BTRC: variants seen among roughly 807,000 people sequenced by gnomAD.
The protein encoded by BTRC is beta-transducin repeat containing E3 ubiquitin protein ligase, also known as F-box/WD repeat-containing protein 1A.
BTRC carries 42 observed loss-of-function variants against 85.5 expected under a neutral mutation model. The observed-to-expected ratio is 0.49, with a 90% CI of 0.38 to 0.64. BTRC has a LOEUF of 0.64. Among genes scored for constraint, BTRC ranks in the 30% least tolerant of loss-of-function variants. The pLI is 0.00. For missense variants in BTRC, 594 were observed against 743.5 expected, an observed-to-expected ratio of 0.80 and a Z score of 2.34; for synonymous variants, 255 against 263.3, an observed-to-expected ratio of 0.97 and a Z score of 0.30.
intron 1 of BTRC, among the ~76,000 whole-genome samples, chr10:101,417,178 A>G (rs1275525141): frequency 6.6e-6 from 1 of 152,206 alleles, no homozygotes; most frequent in Non-Finnish European, 1.5e-5. Context: ...TCTAATCCAC[A>G]GATCCCATTC....
At chr10:101,471,288 C>T (rs150799375) in intron 3 of BTRC, among the ~76,000 whole-genome samples, 57 of 152,122 alleles carry the variant, frequency 3.7e-4, no homozygotes, top group African/African-American at 1.3e-3. Flanking sequence ...TTTGGGAGGC[C>T]GAAGTGGGAG....
chr10:101,483,580 GA>G (rs1161948741), intron 4 of BTRC, among the ~76,000 whole-genome samples: 2 of 152,074 alleles, frequency 1.3e-5, no homozygotes, highest in Non-Finnish European at 1.5e-5. Context: ...GCGACAGAGT[GA>G]GACTCAGTCT....
chr10:101,419,745 G>T (rs1163123341), intron 1 of BTRC, among the ~76,000 whole-genome samples: 2 of 152,150 alleles, frequency 1.3e-5, no homozygotes, highest in African/African-American at 4.8e-5. Flanking sequence ...GTTAGAGTTT[G>T]CCTGCTACCG....
intron 1 of BTRC, among the ~76,000 whole-genome samples, chr10:101,409,291 A>G (rs1033513857): frequency 1.4e-4 from 21 of 152,128 alleles, no homozygotes; most frequent in South Asian, 6.2e-4. Flanking sequence ...GAATTTATCT[A>G]TTCTGGACAT....
chr10:101,377,326 T>G (rs922706924), intron 1 of BTRC, among the ~76,000 whole-genome samples: 1 of 152,258 alleles, frequency 6.6e-6, no homozygotes, highest in Non-Finnish European at 1.5e-5. Flanking sequence ...TTTCTGGTTT[T>G]GGTGATTATA....
At chr10:101,373,294 G>A (rs1419678712) in intron 1 of BTRC, among the ~76,000 whole-genome samples, 1 of 152,160 alleles carries the variant, frequency 6.6e-6, no homozygotes, top group Non-Finnish European at 1.5e-5. Flanking sequence ...GATTAGACTA[G>A]GGAGGGGTAC....
intron 13 of BTRC, among the ~76,000 whole-genome samples, chr10:101,546,016 C>T (rs541711430): frequency 6.6e-6 from 1 of 152,340 alleles, no homozygotes; most frequent in South Asian, 2.1e-4. Context: ...GATGCATCCA[C>T]TGTTATAGTT....
At chr10:101,540,246 ATAATTTTCAGTT>A (rs1213669564) in intron 13 of BTRC, among the ~76,000 whole-genome samples, 3 of 152,154 alleles carry the variant, frequency 2.0e-5, no homozygotes, top group Non-Finnish European at 4.4e-5. Context: ...TCTAAGTTTT[ATAATTTTCAGTT>A]TGTATTTTGG....
At chr10:101,416,452 C>G (rs1943948037) in intron 1 of BTRC, among the ~76,000 whole-genome samples, 1 of 152,188 alleles carries the variant, frequency 6.6e-6, no homozygotes, top group South Asian at 2.1e-4. Context: ...TTTTCACAGA[C>G]ATATCCCTTT....
chr10:101,388,457 G>A (rs988420348), intron 1 of BTRC, among the ~76,000 whole-genome samples: 5 of 151,942 alleles, frequency 3.3e-5, no homozygotes, highest in Non-Finnish European at 5.9e-5. Flanking sequence ...CTCCGAAAGT[G>A]CTGGGATTAC....
chr10:101,481,134 A>T (rs573734305), intron 4 of BTRC, among the ~76,000 whole-genome samples: 1 of 151,968 alleles, frequency 6.6e-6, no homozygotes, highest in East Asian at 1.9e-4. Flanking sequence ...TGTAGAGATG[A>T]GGTGTCGCTG....
chr10:101,468,051 G>C (rs189789569), intron 3 of BTRC, among the ~76,000 whole-genome samples: 2 of 152,222 alleles, frequency 1.3e-5, no homozygotes, highest in Admixed American at 6.5e-5. Context: ...AACACGGTTT[G>C]GCAATTTGTG....
intron 2 of BTRC, chr10:101,453,367 T>C (rs747112756): frequency 6.6e-6 from 1 of 152,226 alleles, no homozygotes; most frequent in Non-Finnish European, 1.5e-5. Flanking sequence ...GCTAAAATGA[T>C]AGAATTATCC....
chr10:101,456,916 A>C (rs910673252), intron 2 of BTRC, among the ~76,000 whole-genome samples: 2 of 152,206 alleles, frequency 1.3e-5, no homozygotes, highest in Non-Finnish European at 2.9e-5. Context: ...AGTTGTGTAG[A>C]ATCTTTTACA....
intron 1 of BTRC, among the ~76,000 whole-genome samples, chr10:101,409,646 A>C (rs1943723113): frequency 6.6e-6 from 1 of 152,166 alleles, no homozygotes; most frequent in African/African-American, 2.4e-5. Flanking sequence ...GTTGTTACAC[A>C]ATAGGGAGTA....
intron 4 of BTRC, among the ~76,000 whole-genome samples, chr10:101,507,260 C>G (rs955972231): frequency 1.3e-5 from 2 of 152,092 alleles, no homozygotes; most frequent in Non-Finnish European, 2.9e-5. Flanking sequence ...AATAAGCTGT[C>G]GGTTGATTTT....
chr10:101,467,308 C>T (rs2134186759), intron 3 of BTRC, among the ~76,000 whole-genome samples: 1 of 148,608 alleles, frequency 6.7e-6, no homozygotes, highest in Non-Finnish European at 1.5e-5. Context: ...TTAATGAAGT[C>T]CCTGATATCA....
intron 2 of BTRC, among the ~76,000 whole-genome samples, chr10:101,435,064 T>C (rs1944493689): frequency 6.6e-6 from 1 of 152,108 alleles, no homozygotes; most frequent in African/African-American, 2.4e-5. Flanking sequence ...GGTTGACTAA[T>C]AGGCAGAAAC....
intron 8 of BTRC, among the ~76,000 whole-genome samples, chr10:101,532,746 C>CTGTGTGTG (rs1199545593): frequency 4.1e-5 from 4 of 96,982 alleles, no homozygotes; most frequent in Non-Finnish European, 8.7e-5. Context: ...AGTACTGAAG[C>CTGTGTGTG]TATATGTGTG....
Sources: gnomAD v4.1 joint callset for allele counts (sites outside exome capture counted in the v4.1 genomes callset) on GRCh38, gnomAD v4.1.1 for gene constraint, MANE v1.5 for transcripts, NCBI Gene and HGNC (gene_info 2026-07-23, HGNC 2026-07-21) for gene names.